MATN4: variants seen among roughly 807,000 people sequenced by gnomAD.
The protein encoded by MATN4 is matrilin 4, also known as matrilin-4.
In MATN4, 40 loss-of-function variants were observed where a neutral mutation model predicts 54.6. That is an observed-to-expected ratio of 0.73 (90% CI 0.57 to 0.95). The LOEUF (loss-of-function observed/expected upper bound fraction) is 0.95, where lower values mean the gene tolerates loss of function less well. Ranked by LOEUF, MATN4 falls within the 40% of genes least tolerant of loss-of-function variation. MATN4 has a pLI of 0.00. For synonymous variants in MATN4, 351 were observed against 345.3 expected (o/e 1.02, Z -0.18); for missense variants, 810 against 819.1 (o/e 0.99, Z 0.13).
chr20:45,293,808 G>A lies in MATN4; in HGVS notation c.1705C>T (p.Arg569Cys), dbSNP rs1318476741. The A allele has an allele frequency of 1.2e-6, 2 of 1,611,214 alleles. No individual in the cohort carries two copies. Among genetic ancestry groups the A allele is most frequent in the Non-Finnish European group, 8.5e-7 (1 of 1,179,924 alleles). ...LTLNLAQLTA[R>C]LEDLENQLAN... ...AGCTGGTTCTCCAGATCCTCCAGGCGCGCCGTCAGCTGGGCCAGTGAGCGG... is the reference window on the plus strand; with the variant it reads ...AGCTGGTTCTCCAGATCCTCCAGGCACGCCGTCAGCTGGGCCAGTGAGCGG... Residue 569 changes from arginine to cysteine, a missense_variant, in exon 10 of 10, where the codon CGC (arginine) becomes TGC (cysteine). By Grantham distance (180) the Arg-to-Cys change is radical. Coordinates refer to ENST00000372756, the MANE Select transcript of MATN4 (RefSeq NM_001393530.1).
intron 1 of MATN4, chr20:45,306,948 AGC>A (rs1446961962): frequency 4.3e-5 from 54 of 1,253,956 alleles, no homozygotes; most frequent in Non-Finnish European, 5.2e-5. Flanking sequence ...GCAGCAGGTG[AGC>A]GCTTACCCTC....
intron 6 of MATN4, among the ~76,000 whole-genome samples, chr20:45,300,310 C>G (rs1017046859): frequency 1.3e-5 from 2 of 152,042 alleles, no homozygotes; most frequent in African/African-American, 4.8e-5. Context: ...CTGAAATGTT[C>G]AAGTGTGGCA....
At chr20:45,303,629 G>C in intron 3 of MATN4, 3 of 611,330 alleles carry the variant, frequency 4.9e-6, no homozygotes, top group Non-Finnish European at 9.1e-6. Context: ...CTTTCAGAAG[G>C]AAATGACTAA....
At position 45,293,927 on chromosome 20, in the gene MATN4, G is replaced by T; in HGVS notation, c.1668C>A (p.Leu556=). The stretch of plus-strand genomic sequence containing the variant: ...GGATATGGTTCAGCGTCAGGCTCTC[G>T]AGCGCCCCCAGCGTGCGGCCCTGGA... ...VEFQGRTLGA[L]ESLTLNLAQL... is the part of the protein sequence containing the mutation. Residue 556 remains leucine, a synonymous_variant, in exon 9 of 10, where the codon CTC becomes CTA. Transcript: ENST00000372756. The T allele has an allele frequency of 6.2e-7, 1 of 1,601,620 alleles. No individual in the cohort carries two copies.
rs533578511 is a variant in MATN4, at chr20:45,297,949, C to A, written c.1548G>T (p.Leu516=). 6 of 1,614,224 alleles carry A rather than the reference C, an allele frequency of 3.7e-6. No individual in the cohort carries two copies. Residue 516 remains leucine, a synonymous_variant, in exon 8 of 10, where the codon CTG becomes CTT. Coordinates refer to ENST00000372756, the MANE Select transcript of MATN4 (RefSeq NM_001393530.1). Reference sequence around the variant, plus strand: ...AGATGCTGCCTCTGAGGTTCTCCAGCAGGTGCGTCATGGTGCCGAAGTCCG... The same window carrying A: ...AGATGCTGCCTCTGAGGTTCTCCAGAAGGTGCGTCATGGTGCCGAAGTCCG... ...YAPDFGTMTH[L]LENLRGSICP... is the part of the protein sequence containing the mutation.
chr20:45,295,029 G>T lies in MATN4; in HGVS notation c.1580-1014C>A, dbSNP rs189196285. On this transcript the variant is annotated intron_variant, in intron 8 of 9. Coordinates refer to ENST00000372756, the MANE Select transcript of MATN4 (RefSeq NM_001393530.1). ...CCACGGATGGCACCATCTAGCTGCA[G>T]GAAAACAAGCTGAGGGCTCCCACTG... Among the ~76,000 whole-genome samples the T allele has an allele frequency of 2.0e-5, 3 of 152,270 alleles. No individual in the cohort carries two copies. In the East Asian group the frequency reaches 5.8e-4, roughly 29 times the overall value.
Position 45,308,180 on chromosome 20 carries a change from C to A in MATN4, c.-40G>T. ...CTCCCAATCCTTTGACTCACCTGAG[C>A]CTGCAGGACAGATCAGAGATGCAGC... is the stretch of plus-strand genomic sequence containing the variant. On this transcript the variant is annotated 5_prime_UTR_variant, in exon 1 of 10. Transcript: ENST00000372756. 1 of 1,613,978 alleles carries A rather than the reference C, an allele frequency of 6.2e-7. No individual in the cohort carries two copies. The highest frequency in any genetic ancestry group is 8.5e-7 in the Non-Finnish European group (1 of 1,179,844).
rs767438234 is a variant in MATN4 at position 45,301,103 on chromosome 20, C to A, written c.888G>T (p.Gln296His). 14 of 1,614,164 alleles carry A rather than the reference C, an allele frequency of 8.7e-6. No homozygotes were observed. The highest frequency in any genetic ancestry group is 1.1e-5 in the Non-Finnish European group (13 of 1,180,026). ...HDLQPDGRSC[Q>H]VRDLCNGVDH... Reference sequence around the variant, plus strand: ...CAAATGTAGGAGAGCCCTCCTCACCCTGACAGCTCCTCCCATCAGGCTGCA... The same window carrying A: ...CAAATGTAGGAGAGCCCTCCTCACCATGACAGCTCCTCCCATCAGGCTGCA... The change falls in exon 5 of 10, where the codon CAG (glutamine) becomes CAT (histidine). Residue 296 changes from glutamine to histidine, a missense_variant and splice_region_variant. Coordinates refer to ENST00000372756, the MANE Select transcript of MATN4 (RefSeq NM_001393530.1).
rs1474436460 is a variant in MATN4 at position 45,293,735 on chromosome 20, G to A, written c.*32C>T. On this transcript the variant is annotated 3_prime_UTR_variant, in exon 10 of 10. Coordinates refer to ENST00000372756, the MANE Select transcript of MATN4 (RefSeq NM_001393530.1). Reference sequence around the variant, plus strand: ...CAAGGGGCACCGTCCGTGGTGCCGCGCCCCAGCCCGGGTCTGGGCCGTCCG... The same window carrying A: ...CAAGGGGCACCGTCCGTGGTGCCGCACCCCAGCCCGGGTCTGGGCCGTCCG... The A allele has an allele frequency of 6.4e-7, 1 of 1,571,966 alleles. No individual in the cohort carries two copies. The highest frequency in any genetic ancestry group is 1.1e-5 in the South Asian group (1 of 88,464).
rs952528611 is a variant in MATN4, at chr20:45,304,890, G to A, written c.74-93C>T. On this transcript the variant is annotated intron_variant, in intron 2 of 9. Transcript: ENST00000372756. Reference sequence around the variant, plus strand: ...AACCCAGGGGAAATGCCGCTATGCCGACATAACAGCGCCCAGCACAGCAAA... The same window carrying A: ...AACCCAGGGGAAATGCCGCTATGCCAACATAACAGCGCCCAGCACAGCAAA... 1.9e-5 allele frequency: 14 copies of A among 750,108 alleles called. No individual in the cohort carries two copies. The African/African-American group carries it at 2.1e-4, about 11-fold the overall frequency. 46.5% of individuals were successfully genotyped at this position (750,108 alleles called of 1,614,324 possible).
chr20:45,302,475 C>T lies in MATN4; in HGVS notation c.644-1032G>A, dbSNP rs576076786. Among the ~76,000 whole-genome samples the T allele has an allele frequency of 7.9e-5, 12 of 152,324 alleles. No individual in the cohort carries two copies. The South Asian group carries it at 1.9e-3, about 24-fold the overall frequency. ...ATAAGCGAGGTATTCTATGCCATAGCTTTTCAGAAGACAAAAATGAAGAAG... is the reference window on the plus strand; with the variant it reads ...ATAAGCGAGGTATTCTATGCCATAGTTTTTCAGAAGACAAAAATGAAGAAG... On this transcript the variant is annotated intron_variant, in intron 3 of 9. Coordinates refer to ENST00000372756, the MANE Select transcript of MATN4 (RefSeq NM_001393530.1).
intron 4 of MATN4, 28 bp downstream of exon 4, chr20:45,301,293 G>T: frequency 8.7e-6 from 14 of 1,613,854 alleles, no homozygotes; most frequent in Non-Finnish European, 1.1e-5. Context: ...AGTCCAGGGT[G>T]TGGTGGGAGG....
Position 45,297,101 on chromosome 20 carries a change from G to A in MATN4, c.1579+817C>T, listed in dbSNP as rs1477328645. On this transcript the variant is annotated intron_variant, in intron 8 of 9. Transcript: ENST00000372756. ...GCCGCCTCGGCCTCCCAGAGTGCTG[G>A]GATTACAGGTGTGAGCCACTGCGCC... Among the ~76,000 whole-genome samples the A allele has an allele frequency of 2.0e-5, 3 of 151,586 alleles. No individual in the cohort carries two copies. In the East Asian group the frequency reaches 5.8e-4, roughly 29 times the overall value.
intron 6 of MATN4, 35 bp downstream of exon 6, chr20:45,300,852 G>A (rs751348277): frequency 2.5e-6 from 4 of 1,609,084 alleles, no homozygotes; most frequent in African/African-American, 1.3e-5. Flanking sequence ...CAATGGGGCA[G>A]AAGCCAACAG....
chr20:45,307,001 ACCCCCCCACCC>A, intron 1 of MATN4: 1 of 724,902 alleles, frequency 1.4e-6, no homozygotes, highest in Non-Finnish European at 1.7e-6. Flanking sequence ...ACGAAGGACC[ACCCCCCCACCC>A]CCTCCCCACT....
At chr20:45,297,480 CTGCCACTT>C (rs1340623948) in intron 8 of MATN4, among the ~76,000 whole-genome samples, 7 of 151,996 alleles carry the variant, frequency 4.6e-5, no homozygotes, top group African/African-American at 1.7e-4. Context: ...ATATTCAGTC[CTGCCACTT>C]TGCCAAGTTC....
chr20:45,295,292 G>A (rs1025051708), intron 8 of MATN4, among the ~76,000 whole-genome samples: 35 of 152,328 alleles, frequency 2.3e-4, no homozygotes, highest in African/African-American at 7.9e-4. Context: ...CCTTGGACCA[G>A]CAGCATCGGC....
At position 45,293,999 on chromosome 20, in the gene MATN4, T is replaced by C; in HGVS notation, c.1596A>G (p.Ala532=). The change falls in exon 9 of 10, where the codon GCA becomes GCG. Residue 532 remains alanine, a synonymous_variant. Transcript: ENST00000372756. ...GSICPEEGIS[A]GTELRSPCEC... ...CGCATGGGCTCCGAAGCTCTGTCCC[T>C]GCGCTGATGCCCTCCTCTGCAAGCC... is the stretch of plus-strand genomic sequence containing the variant. 6.2e-7 allele frequency: 1 copy of C among 1,602,058 alleles called. No homozygotes were observed.
rs745629093 is a variant in MATN4 at position 45,301,416 on chromosome 20, TG to T, written c.670del (p.His224MetfsTer90). On this transcript the variant is annotated frameshift_variant, in exon 4 of 10. Transcript: ENST00000372756. LOFTEE classifies it high-confidence loss of function. ...ATTGACGCAGTGGTGCTCACATCCA[TG>T]GGTCCCTTCAGCACACAGATCAATG... ...CAIDLCAEGT[H>X]GCEHHCVNSP... 2 of 1,614,046 alleles carry T rather than the reference TG, an allele frequency of 1.2e-6. No homozygotes were observed. Among genetic ancestry groups the T allele is most frequent in the Non-Finnish European group, 1.7e-6 (2 of 1,180,010 alleles).
Sources: allele counts gnomAD v4.1 joint callset (sites outside exome capture counted in the v4.1 genomes callset), GRCh38; gene constraint gnomAD v4.1.1; transcripts MANE v1.5; gene names NCBI Gene and HGNC (gene_info 2026-07-23, HGNC 2026-07-21).